NCOA2: variants seen among roughly 807,000 people sequenced by gnomAD.
The protein encoded by NCOA2 is class E basic helix-loop-helix protein 75.
In NCOA2, 21 loss-of-function variants were observed where a neutral mutation model predicts 145.1. The observed-to-expected ratio is 0.14, with a 90% CI of 0.10 to 0.21. The LOEUF (loss-of-function observed/expected upper bound fraction) is 0.21. NCOA2 is among the 10% of genes least tolerant of loss of function. The pLI is 1.00. For synonymous variants in NCOA2, 619 were observed against 637.5 expected, an observed-to-expected ratio of 0.97 and a Z score of 0.44; for missense variants, 1,472 against 1,837.6, an observed-to-expected ratio of 0.80 and a Z score of 3.64.
At chr8:70,344,838 A>T (rs1006004553) in intron 1 of NCOA2, among the ~76,000 whole-genome samples, 15 of 152,220 alleles carry the variant, frequency 9.9e-5, no homozygotes, top group African/African-American at 3.4e-4. Context: ...CTGTATTTTT[A>T]AAAAATAATA....
chr8:70,141,481 T>C, intron 13 of NCOA2, 82 bp from the exon 14 acceptor site: 1 of 1,233,342 alleles, frequency 8.1e-7, no homozygotes, highest in Non-Finnish European at 1.2e-6. Flanking sequence ...GATCTTACCC[T>C]ACAAAACAAT....
chr8:70,226,528 C>A (rs897854977), intron 2 of NCOA2, among the ~76,000 whole-genome samples: 14 of 151,974 alleles, frequency 9.2e-5, no homozygotes, highest in African/African-American at 3.4e-4. Flanking sequence ...GAAATCAAAT[C>A]TCATTTTACT....
At chr8:70,443,261 C>G in the NCOA2 span, among the ~76,000 whole-genome samples, 1 of 151,956 alleles carries the variant, frequency 6.6e-6, no homozygotes, top group South Asian at 2.1e-4. Flanking sequence ...CCTAGCTACT[C>G]AGGAGGCTGA....
At position 70,214,049 on chromosome 8, in the gene NCOA2, T is replaced by C; in HGVS notation, c.113A>G (p.Asn38Ser). The C allele has an allele frequency of 6.2e-7, 1 of 1,607,136 alleles. No individual in the cohort carries two copies. Reference protein sequence around the residue: ...PSPKRNTEKRNREQENKYIEE... With the variant: ...PSPKRNTEKRSREQENKYIEE... ...TATATATTTATTTTCCTGTTCACGATTACGTTTTTCAGTGTTCCTTTTGGG... is the reference window on the plus strand; with the variant it reads ...TATATATTTATTTTCCTGTTCACGACTACGTTTTTCAGTGTTCCTTTTGGG... Residue 38 changes from asparagine to serine, a missense_variant, in exon 4 of 23, where the codon AAT becomes AGT. Asn to Ser is a conservative substitution (Grantham distance 46). This residue lies in a region of NCOA2 where 284 missense variants were observed against 467.8 expected (regional missense o/e 0.61). Transcript: ENST00000452400.
At chr8:70,292,212 G>A (rs1038705163) in intron 2 of NCOA2, among the ~76,000 whole-genome samples, 2 of 151,990 alleles carry the variant, frequency 1.3e-5, no homozygotes, top group African/African-American at 2.4e-5. Flanking sequence ...CAGTGCGGTG[G>A]CGTGATCTCG....
intron 18 of NCOA2, among the ~76,000 whole-genome samples, 192 bp from the exon 19 acceptor site, chr8:70,127,239 T>C (rs1250974899): frequency 1.3e-5 from 2 of 152,224 alleles, no homozygotes; most frequent in East Asian, 3.8e-4. Flanking sequence ...GTTCTAAAGA[T>C]ATGATTATTC....
At chr8:70,238,193 G>A (rs1821818976) in intron 2 of NCOA2, among the ~76,000 whole-genome samples, 1 of 152,096 alleles carries the variant, frequency 6.6e-6, no homozygotes, top group South Asian at 2.1e-4. Context: ...CTTAGGAAGA[G>A]GAAACATACG....
the NCOA2 span, among the ~76,000 whole-genome samples, chr8:70,415,286 A>C: frequency 6.6e-6 from 1 of 151,324 alleles, no homozygotes; most frequent in Non-Finnish European, 1.5e-5. Flanking sequence ...CCATGTTCAC[A>C]CCACTGCACT....
At chr8:70,387,303 C>G (rs1477230074) in intron 1 of NCOA2, among the ~76,000 whole-genome samples, 1 of 152,140 alleles carries the variant, frequency 6.6e-6, no homozygotes, top group Non-Finnish European at 1.5e-5. Flanking sequence ...GTAGCTGGGG[C>G]TTTGGGTATG....
At chr8:70,159,368 A>T in intron 10 of NCOA2, 137 bp downstream of exon 10, 1 of 833,894 alleles carries the variant, frequency 1.2e-6, no homozygotes, top group Non-Finnish European at 1.7e-6. Context: ...ATAACAATTT[A>T]ATTTTATATT....
chr8:70,419,084 G>A, the NCOA2 span, among the ~76,000 whole-genome samples: 1 of 149,910 alleles, frequency 6.7e-6, no homozygotes, highest in African/African-American at 2.5e-5. Flanking sequence ...TAGTATAGTG[G>A]AATTTTGTAG....
chr8:70,129,060 C>T, intron 16 of NCOA2, 80 bp from the exon 17 acceptor site: 1 of 1,334,274 alleles, frequency 7.5e-7, no homozygotes, highest in Non-Finnish European at 1.0e-6. Context: ...TTTTCTCTCA[C>T]TATCATATAT....
intron 2 of NCOA2, among the ~76,000 whole-genome samples, chr8:70,225,832 C>T (rs1175070489): frequency 6.6e-6 from 1 of 152,130 alleles, no homozygotes; most frequent in Non-Finnish European, 1.5e-5. Flanking sequence ...CTGGAAATCC[C>T]TAGAACACTA....
intron 2 of NCOA2, among the ~76,000 whole-genome samples, chr8:70,272,024 G>C (rs903622804): frequency 6.6e-6 from 1 of 152,176 alleles, no homozygotes; most frequent in East Asian, 1.9e-4. Context: ...CAAAGTAAAA[G>C]AAATATTTTA....
chr8:70,392,340 C>T (rs1813283628), intron 1 of NCOA2, among the ~76,000 whole-genome samples: 1 of 152,186 alleles, frequency 6.6e-6, no homozygotes, highest in African/African-American at 2.4e-5. Flanking sequence ...TACGATTTAA[C>T]GTTCATTGGT....
chr8:70,383,035 T>C (rs1178888108), intron 1 of NCOA2, among the ~76,000 whole-genome samples: 1 of 152,094 alleles, frequency 6.6e-6, no homozygotes, highest in Non-Finnish European at 1.5e-5. Flanking sequence ...CAGAAAATGG[T>C]AGAAAGTCAA....
intron 4 of NCOA2, among the ~76,000 whole-genome samples, chr8:70,184,667 C>T (rs1421662738): frequency 1.3e-5 from 2 of 151,976 alleles, no homozygotes; most frequent in African/African-American, 4.8e-5. Flanking sequence ...AGCTGAACGC[C>T]CTAAAGATGG....
At chr8:70,416,812 C>T in the NCOA2 span, among the ~76,000 whole-genome samples, 1,193 of 152,220 alleles carry the variant, frequency 7.8e-3, 29 homozygotes, top group East Asian at 0.089. Context: ...ACCACTCTTG[C>T]GGTAATAGCC....
chr8:70,305,551 G>C (rs979510518), intron 1 of NCOA2, among the ~76,000 whole-genome samples: 1 of 152,026 alleles, frequency 6.6e-6, no homozygotes, highest in African/African-American at 2.4e-5. Context: ...TCAAACCCAG[G>C]ACTGCCCGAG....
Sources: allele counts gnomAD v4.1 joint callset (sites outside exome capture counted in the v4.1 genomes callset), GRCh38; gene constraint gnomAD v4.1.1; regional missense constraint gnomAD v4.1.1; transcripts MANE v1.5; gene names NCBI Gene and HGNC (gene_info 2026-07-23, HGNC 2026-07-21).